Variants in TRMT9B observed in about 807,000 individuals in gnomAD.
TRMT9B encodes the protein tRNA methyltransferase 9B (putative), also known as probable tRNA methyltransferase 9B.
In TRMT9B, 16 loss-of-function variants were observed where a neutral mutation model predicts 11.5. The observed-to-expected ratio is 1.39, with a 90% CI of 0.94 to 2.11. TRMT9B has a LOEUF of 2.11. Ranked by LOEUF, TRMT9B falls within the 30% of genes most tolerant of loss-of-function variation. The pLI, the probability that TRMT9B is intolerant of heterozygous loss-of-function variation, is 0.00. For synonymous variants in TRMT9B, 274 were observed against 192.4 expected, an observed-to-expected ratio of 1.42 and a Z score of -3.51; for missense variants, 941 against 553.8, an observed-to-expected ratio of 1.70 and a Z score of -7.02.
At chr8:12,956,272 T>C (rs925630319) in intron 1 of TRMT9B, among the ~76,000 whole-genome samples, 12 of 152,194 alleles carry the variant, frequency 7.9e-5, no homozygotes, top group African/African-American at 2.9e-4. Context: ...ATCCGAGATT[T>C]GGCTAGAGTA....
intron 1 of TRMT9B, among the ~76,000 whole-genome samples, chr8:12,989,035 A>G (rs1806841109): frequency 1.3e-5 from 2 of 152,096 alleles, no homozygotes; most frequent in South Asian, 4.1e-4. Flanking sequence ...TTCAGTTAAT[A>G]TTTGTTGAAA....
intron 1 of TRMT9B, among the ~76,000 whole-genome samples, chr8:12,954,339 A>G (rs1343758599): frequency 6.6e-6 from 1 of 152,244 alleles, no homozygotes; most frequent in Non-Finnish European, 1.5e-5. Context: ...ACTAGTCTCC[A>G]AAATTTGAAA....
At chr8:12,964,836 C>T (rs960126676) in intron 1 of TRMT9B, among the ~76,000 whole-genome samples, 6 of 152,168 alleles carry the variant, frequency 3.9e-5, no homozygotes, top group African/African-American at 1.4e-4. Flanking sequence ...AAATGATCCT[C>T]CCAGTTCGGC....
intron 1 of TRMT9B, chr8:12,961,802 C>T (rs1307243811): frequency 6.6e-6 from 1 of 151,534 alleles, no homozygotes; most frequent in Admixed American, 6.6e-5. Context: ...AAAGAATTAA[C>T]AAAACAGAGC....
At chr8:12,980,329 C>G (rs1805153372) in intron 1 of TRMT9B, among the ~76,000 whole-genome samples, 1 of 152,144 alleles carries the variant, frequency 6.6e-6, no homozygotes. Flanking sequence ...GGACACTTGT[C>G]ATTGGCATGT....
intron 1 of TRMT9B, among the ~76,000 whole-genome samples, chr8:12,987,478 C>T (rs561389959): frequency 2.0e-5 from 3 of 152,106 alleles, no homozygotes; most frequent in Admixed American, 1.3e-4. Flanking sequence ...ACTGTTTGAG[C>T]CCAGGAGTTT....
intron 1 of TRMT9B, among the ~76,000 whole-genome samples, chr8:12,974,211 C>G (rs1304894419): frequency 6.6e-6 from 1 of 151,948 alleles, no homozygotes; most frequent in Non-Finnish European, 1.5e-5. Flanking sequence ...TCCCTAACCT[C>G]TCCTTGCCGG....
At chr8:12,946,524 G>A (rs1053870387) in intron 1 of TRMT9B, among the ~76,000 whole-genome samples, 11 of 152,138 alleles carry the variant, frequency 7.2e-5, no homozygotes, top group African/African-American at 2.7e-4. Flanking sequence ...TTAGGTGCAC[G>A]GAGGGCGAAG....
Position 13,026,304 on chromosome 8 carries a change from A to T in TRMT9B, c.*4260A>T, listed in dbSNP as rs1412936959. 1 of 167,154 alleles carries T rather than the reference A, an allele frequency of 6.0e-6. No homozygotes were observed. Among genetic ancestry groups the T allele is most frequent in the African/African-American group, 2.4e-5 (1 of 41,474 alleles). 10.4% of individuals were successfully genotyped at this position (167,154 alleles called of 1,614,324 possible). A position where few individuals can be genotyped will look rare whatever the true frequency, so the allele number is the denominator to read the frequency against. On this transcript the variant is annotated 3_prime_UTR_variant, in exon 5 of 5. Transcript: ENST00000524591. ...AAAAAACCAAACACCGCATGTTCTC[A>T]CTCATAGGTGGGAATTGAACAATGA...
intron 1 of TRMT9B, among the ~76,000 whole-genome samples, chr8:12,957,517 G>A (rs1161817421): frequency 6.6e-6 from 1 of 152,094 alleles, no homozygotes; most frequent in Non-Finnish European, 1.5e-5. Context: ...TGCATACAAA[G>A]ATGGTAATTC....
intron 4 of TRMT9B, among the ~76,000 whole-genome samples, chr8:13,015,810 C>G (rs756326703): frequency 7.9e-5 from 12 of 151,998 alleles, no homozygotes; most frequent in Non-Finnish European, 1.5e-5. Flanking sequence ...CATGCCTTGC[C>G]CTCAGAGAAA....
intron 2 of TRMT9B, among the ~76,000 whole-genome samples, chr8:13,003,518 A>G (rs1240396034): frequency 6.6e-6 from 1 of 152,050 alleles, no homozygotes; most frequent in African/African-American, 2.4e-5. Flanking sequence ...AGGCCCCTGG[A>G]TGAGAGGGAA....
At chr8:13,002,660 A>G (rs1214130851) in intron 2 of TRMT9B, among the ~76,000 whole-genome samples, 1 of 152,220 alleles carries the variant, frequency 6.6e-6, no homozygotes, top group African/African-American at 2.4e-5. Flanking sequence ...AACGGAAGGA[A>G]TGATGGAATT....
At chr8:12,949,889 G>A (rs1800461029) in intron 1 of TRMT9B, among the ~76,000 whole-genome samples, 1 of 152,032 alleles carries the variant, frequency 6.6e-6, no homozygotes, top group South Asian at 2.1e-4. Context: ...TAGGTTCTCT[G>A]TCACCCAGGC....
At chr8:12,994,702 A>G (rs1258443475) in intron 2 of TRMT9B, among the ~76,000 whole-genome samples, 3 of 152,080 alleles carry the variant, frequency 2.0e-5, no homozygotes, top group Non-Finnish European at 2.9e-5. Context: ...TTTATTTGAG[A>G]CGGAGTTTCG....
At position 13,024,198 on chromosome 8, in the gene TRMT9B, G is replaced by A. The variant is rs754385736; in HGVS notation, c.*2154G>A. On this transcript the variant is annotated 3_prime_UTR_variant, in exon 5 of 5. Transcript: ENST00000524591. The stretch of plus-strand genomic sequence containing the variant: ...AGCTGGGACTACTGGCACCCACCAC[G>A]ACGCCCGGCTGTTTTTTTGTATTTT... 1 of 152,774 alleles carries A rather than the reference G, an allele frequency of 6.5e-6. No individual in the cohort carries two copies. The highest frequency in any genetic ancestry group is 1.5e-5 in the Non-Finnish European group (1 of 68,024). 9.5% of individuals were successfully genotyped at this position (152,774 alleles called of 1,614,324 possible).
At chr8:12,992,626 C>A (rs1807567591) in intron 2 of TRMT9B, among the ~76,000 whole-genome samples, 1 of 151,728 alleles carries the variant, frequency 6.6e-6, no homozygotes. Flanking sequence ...CCGGGTTAGG[C>A]AGATCACCTG....
intron 1 of TRMT9B, among the ~76,000 whole-genome samples, chr8:12,986,737 G>A (rs1005957209): frequency 6.6e-6 from 1 of 152,140 alleles, no homozygotes; most frequent in Non-Finnish European, 1.5e-5. Flanking sequence ...TATTATCAGA[G>A]CGTCATCTTC....
chr8:13,011,705 A>C (rs1811643689), intron 3 of TRMT9B: 2 of 977,332 alleles, frequency 2.0e-6, no homozygotes, highest in African/African-American at 3.5e-5. Flanking sequence ...TGAATTACTT[A>C]GGTCTCTGCT....
Sources: allele counts gnomAD v4.1 joint callset (sites outside exome capture counted in the v4.1 genomes callset), GRCh38; gene constraint gnomAD v4.1.1; transcripts MANE v1.5; gene names NCBI Gene and HGNC (gene_info 2026-07-23, HGNC 2026-07-21).